Variants in C9orf72 observed in about 807,000 individuals in gnomAD.
The protein encoded by C9orf72 is guanine nucleotide exchange factor C9orf72.
A neutral mutation model predicts 51.6 loss-of-function variants in C9orf72; 44 were observed. The observed-to-expected ratio is 0.85, with a 90% confidence interval of 0.67 to 1.10. C9orf72 has a LOEUF of 1.10. C9orf72 is among the 50% of genes least tolerant of loss of function. C9orf72 has a pLI of 0.00. For missense variants in C9orf72, 607 were observed against 570.6 expected (o/e 1.06, Z -0.65); for synonymous variants, 213 against 194.2 (o/e 1.10, Z -0.81).
chr9:27,556,786 C>G lies in C9orf72; in HGVS notation c.866G>C (p.Gly289Ala). 1 of 1,607,686 alleles carries G rather than the reference C, an allele frequency of 6.2e-7. No homozygotes were observed. Among genetic ancestry groups the G allele is most frequent in the Non-Finnish European group, 8.5e-7 (1 of 1,174,410 alleles). Residue 289 changes from glycine (G) to alanine (A), a missense_variant, in exon 8 of 11, where the codon GGA (glycine) becomes GCA (alanine). Gly to Ala is a moderately conservative substitution (Grantham distance 60). Coordinates refer to ENST00000380003, the MANE Select transcript of C9orf72 (RefSeq NM_018325.5). ...TTGCCGGAAAGGCAGCACAAAGCTT[C>G]CAGTTGAATCCTGTCAAAATAAAAG... ...FVQGLLKDSTGSFVLPFRQVM... is the reference protein window; with the variant it reads ...FVQGLLKDSTASFVLPFRQVM...
rs747748716 is a variant in C9orf72 at position 27,558,602 on chromosome 9, G to C, written c.744C>G (p.Val248=). The change falls in exon 7 of 11, where the codon GTC becomes GTG. Residue 248 remains valine (V), a synonymous_variant. Coordinates refer to ENST00000380003, the MANE Select transcript of C9orf72 (RefSeq NM_018325.5). The part of the protein sequence containing the change: ...GSSAEKVNKI[V]RTLCLFLTPA... ...GAGTCAGAAAAAGGCATAATGTTCTGACTATCTATAAAAGAAAATATTTTA... is the reference window on the plus strand; with the variant it reads ...GAGTCAGAAAAAGGCATAATGTTCTCACTATCTATAAAAGAAAATATTTTA... 7 of 1,542,410 alleles carry C rather than the reference G, an allele frequency of 4.5e-6. No homozygotes were observed. Among genetic ancestry groups the C allele is most frequent in the Non-Finnish European group, 6.2e-6 (7 of 1,130,738 alleles).
At chr9:27,555,970 C>T (rs541818257) in intron 8 of C9orf72, among the ~76,000 whole-genome samples, 93 of 150,418 alleles carry the variant, frequency 6.2e-4, no homozygotes, top group Non-Finnish European at 1.1e-3. Context: ...TTATCATCAT[C>T]ATTTTTTTTT....
intron 8 of C9orf72, among the ~76,000 whole-genome samples, chr9:27,555,432 C>T (rs902656130): frequency 6.6e-6 from 1 of 152,156 alleles, no homozygotes; most frequent in Non-Finnish European, 1.5e-5. Flanking sequence ...TAAGCTCAAA[C>T]TGATTCTGTA....
At chr9:27,560,546 GTATT>G (rs1267077061) in intron 5 of C9orf72, 1 of 678,312 alleles carries the variant, frequency 1.5e-6, no homozygotes, top group Non-Finnish European at 1.9e-6. Flanking sequence ...TTTAATTAAT[GTATT>G]TATTTATTGA....
At chr9:27,549,668 T>G (rs1820865472) in intron 9 of C9orf72, among the ~76,000 whole-genome samples, 1 of 151,948 alleles carries the variant, frequency 6.6e-6, no homozygotes, top group Non-Finnish European at 1.5e-5. Context: ...TGTAATTAAG[T>G]AGATATTTTT....
At chr9:27,550,728 A>C (rs373082938) in intron 8 of C9orf72, 21 bp from the exon 9 acceptor site, 1 of 1,495,764 alleles carries the variant, frequency 6.7e-7, no homozygotes, top group African/African-American at 1.4e-5. Context: ...GAAGAAAATG[A>C]AGAAAAGAAA....
chr9:27,553,323 G>T (rs947000285), intron 8 of C9orf72, among the ~76,000 whole-genome samples: 2 of 152,130 alleles, frequency 1.3e-5, no homozygotes, highest in African/African-American at 2.4e-5. Context: ...ATACTAAAAG[G>T]CTATAGGAAC....
chr9:27,555,971 A>ATTT (rs1437850653), intron 8 of C9orf72, among the ~76,000 whole-genome samples: 1 of 141,790 alleles, frequency 7.1e-6, no homozygotes, highest in Admixed American at 7.1e-5. Context: ...TATCATCATC[A>ATTT]TTTTTTTTTT....
At chr9:27,556,350 A>C in intron 8 of C9orf72, 1 of 575,628 alleles carries the variant, frequency 1.7e-6, no homozygotes, top group East Asian at 2.8e-5. Context: ...ATTTACTTTA[A>C]GGGTTAATCT....
At chr9:27,552,256 C>T (rs1180958252) in intron 8 of C9orf72, among the ~76,000 whole-genome samples, 2 of 152,060 alleles carry the variant, frequency 1.3e-5, no homozygotes, top group East Asian at 3.9e-4. Context: ...CAGCTTTTGC[C>T]CATTTGGTAA....
At chr9:27,558,753 A>C in intron 6 of C9orf72, 146 bp from the exon 7 acceptor site, 1 of 530,364 alleles carries the variant, frequency 1.9e-6, no homozygotes, top group Middle Eastern at 5.1e-4. Context: ...AATCCATGGG[A>C]TGTAACAGTT....
rs1432352616 is a variant in C9orf72, at chr9:27,551,105, CA to C, written c.1092-399del. On this transcript the variant is annotated intron_variant, in intron 8 of 10. Coordinates refer to ENST00000380003, the MANE Select transcript of C9orf72 (RefSeq NM_018325.5). ...TCTCAAAAAAAAACAAAAAACAAAC[CA>C]GCAACAAAAATAAGCCACTACCATC... Among the ~76,000 whole-genome samples, 11 of 151,744 alleles carry C rather than the reference CA, an allele frequency of 7.2e-5. 1 individual carries two copies. The highest frequency in any genetic ancestry group is 7.2e-4 in the Admixed American group (11 of 15,230).
intron 3 of C9orf72, among the ~76,000 whole-genome samples, chr9:27,564,586 A>G (rs1399774523): frequency 3.9e-5 from 6 of 152,170 alleles, no homozygotes; most frequent in Admixed American, 3.9e-4. Flanking sequence ...ACTGTCTCTG[A>G]ATTGGAAAGC....
chr9:27,555,721 C>A (rs1344069224), intron 8 of C9orf72, among the ~76,000 whole-genome samples: 3 of 151,812 alleles, frequency 2.0e-5, no homozygotes, highest in African/African-American at 4.8e-5. Flanking sequence ...GAAACACATT[C>A]CAATAATTCT....
At chr9:27,563,751 A>G in intron 3 of C9orf72, among the ~76,000 whole-genome samples, 1 of 152,162 alleles carries the variant, frequency 6.6e-6, no homozygotes, top group Non-Finnish European at 1.5e-5. Context: ...TTTTATTTAA[A>G]AAAAAACCAT....
chr9:27,558,738 C>A, intron 6 of C9orf72, 131 bp from the exon 7 acceptor site: 1 of 555,360 alleles, frequency 1.8e-6, no homozygotes, highest in Non-Finnish European at 3.1e-6. Context: ...TCTTTAGTCA[C>A]CTGGAATCCA....
intron 9 of C9orf72, among the ~76,000 whole-genome samples, chr9:27,549,682 A>C (rs1267763473): frequency 9.9e-5 from 15 of 152,142 alleles, no homozygotes. Flanking sequence ...TATTTTTTAA[A>C]AGAATGAAAC....
Position 27,548,583 on chromosome 9 carries a change from T to C in C9orf72, c.1233A>G (p.Thr411=), listed in dbSNP as rs34602100. The C allele has an allele frequency of 6.2e-7, 1 of 1,604,950 alleles. No homozygotes were observed. The highest frequency in any genetic ancestry group is 8.5e-7 in the Non-Finnish European group (1 of 1,171,706). ...TATCGTCTTCTATATATTTTATTAG[T>C]GTCAAGGCTTTTCTGTGAAGGACAA... The part of the protein sequence containing the change: ...FLLVLHRKAL[T]LIKYIEDDTQ... Residue 411 remains threonine (T), a synonymous_variant, in exon 10 of 11, where the codon ACA becomes ACG. Transcript: ENST00000380003.
At chr9:27,571,902 T>C (rs1819594202) in intron 1 of C9orf72, among the ~76,000 whole-genome samples, 1 of 152,294 alleles carries the variant, frequency 6.6e-6, no homozygotes, top group African/African-American at 2.4e-5. Flanking sequence ...CACAACACTT[T>C]CTCAATCTTC....
Sources: gnomAD v4.1 joint callset for allele counts (sites outside exome capture counted in the v4.1 genomes callset) on GRCh38, gnomAD v4.1.1 for gene constraint, MANE v1.5 for transcripts, NCBI Gene and HGNC (gene_info 2026-07-23, HGNC 2026-07-21) for gene names.